The following ITGA11 variants were observed in gnomAD, a reference collection of about 807,000 sequenced individuals.
ITGA11 encodes the protein integrin alpha-11.
Under a neutral mutation model 141.9 loss-of-function variants are expected in ITGA11, and 97 were observed. That is an observed-to-expected ratio of 0.68 (90% CI 0.58 to 0.81). ITGA11 has a LOEUF of 0.81. ITGA11 is among the 30% of genes least tolerant of loss of function. ITGA11 has a pLI of 0.00. For synonymous variants in ITGA11, 658 were observed against 624.6 expected, an observed-to-expected ratio of 1.05 and a Z score of -0.80; for missense variants, 1,387 against 1,559.2, an observed-to-expected ratio of 0.89 and a Z score of 1.86.
intron 2 of ITGA11, among the ~76,000 whole-genome samples, chr15:68,390,420 G>A (rs1033317557): frequency 1.3e-5 from 2 of 152,110 alleles, no homozygotes; most frequent in African/African-American, 2.4e-5. Flanking sequence ...TTTGGGGGCC[G>A]GGGCTGGGGA....
At chr15:68,336,477 G>T (rs998319286) in intron 11 of ITGA11, among the ~76,000 whole-genome samples, 1 of 152,124 alleles carries the variant, frequency 6.6e-6, no homozygotes, top group African/African-American at 2.4e-5. Context: ...CAAAGAGAAA[G>T]AAAAGGAACC....
At chr15:68,373,046 T>C (rs1895636365) in intron 2 of ITGA11, among the ~76,000 whole-genome samples, 1 of 152,168 alleles carries the variant, frequency 6.6e-6, no homozygotes. Flanking sequence ...GAACTCACAT[T>C]TATTTTATTT....
chr15:68,314,854 GT>G (rs1319034817), intron 22 of ITGA11, among the ~76,000 whole-genome samples: 23 of 152,154 alleles, frequency 1.5e-4, no homozygotes, highest in African/African-American at 5.6e-4. Context: ...GCACGTGTGT[GT>G]GCTGGAATGT....
chr15:68,402,279 C>T (rs1896530824), intron 2 of ITGA11, among the ~76,000 whole-genome samples: 1 of 152,082 alleles, frequency 6.6e-6, no homozygotes, highest in South Asian at 2.1e-4. Flanking sequence ...AGAGATCTTA[C>T]TGGGGTGATA....
At position 68,358,149 on chromosome 15, in the gene ITGA11, G is replaced by A. The variant is rs75611642; in HGVS notation, c.600+309C>T. On this transcript the variant is annotated intron_variant, in intron 6 of 29. Transcript: ENST00000315757. ...TCTAATTCTCCCCTGTGCCCCACTC[G>A]ACAGGGCTCTAGATTCCACTCAACC... Among the ~76,000 whole-genome samples the A allele has an allele frequency of 4.4e-3, 669 of 152,138 alleles. 35 individuals carry two copies. The East Asian group carries it at 0.11, about 25-fold the overall frequency.
intron 3 of ITGA11, among the ~76,000 whole-genome samples, chr15:68,367,496 A>C (rs1895460449): frequency 6.6e-6 from 1 of 152,044 alleles, no homozygotes; most frequent in African/African-American, 2.4e-5. Context: ...CTGCTCAGAG[A>C]AGCCTTCCCT....
intron 1 of ITGA11, among the ~76,000 whole-genome samples, chr15:68,413,266 C>T (rs1051969792): frequency 3.3e-5 from 5 of 152,114 alleles, no homozygotes; most frequent in South Asian, 2.1e-4. Context: ...AAGACTAAGG[C>T]CCAGAGCGGG....
chr15:68,318,438 A>C (rs1157714266), intron 20 of ITGA11, among the ~76,000 whole-genome samples: 4 of 152,150 alleles, frequency 2.6e-5, no homozygotes, highest in Non-Finnish European at 5.9e-5. Context: ...AGACAGACAC[A>C]AGTCCCTGGA....
chr15:68,343,188 C>T (rs1002288425), intron 10 of ITGA11, among the ~76,000 whole-genome samples: 2 of 152,096 alleles, frequency 1.3e-5, no homozygotes, highest in Non-Finnish European at 2.9e-5. Flanking sequence ...CCCCAGTGGT[C>T]GGGAGTCGAA....
chr15:68,390,585 G>C (rs1020571182), intron 2 of ITGA11, among the ~76,000 whole-genome samples: 28 of 152,146 alleles, frequency 1.8e-4, no homozygotes, highest in African/African-American at 6.8e-4. Context: ...GCAGACCAAG[G>C]CACGCAAGCT....
chr15:68,385,009 C>T (rs901182736), intron 2 of ITGA11, among the ~76,000 whole-genome samples: 2 of 152,246 alleles, frequency 1.3e-5, no homozygotes, highest in African/African-American at 4.8e-5. Flanking sequence ...TTCTCCAGGG[C>T]ATAGGCCAGT....
chr15:68,345,907 T>A (rs989214577), intron 10 of ITGA11, among the ~76,000 whole-genome samples: 1 of 152,226 alleles, frequency 6.6e-6, no homozygotes, highest in African/African-American at 2.4e-5. Context: ...TAGCCCCCAG[T>A]GCCCGGTCAC....
chr15:68,321,223 A>G lies in ITGA11; in HGVS notation c.2408+195T>C, dbSNP rs546885819. Among the ~76,000 whole-genome samples, 6 of 151,318 alleles carry G rather than the reference A, an allele frequency of 4.0e-5. No homozygotes were observed. In the East Asian group the frequency reaches 1.2e-3, roughly 30 times the overall value. ...TAGATTAGACTAGTAGTTTCATATT[A>G]CAGAAGAGACTTTCCTGAGGTTATG... On this transcript the variant is annotated intron_variant, in intron 19 of 29. Coordinates refer to ENST00000315757, the MANE Select transcript of ITGA11 (RefSeq NM_001004439.2). This position sits in a 1 kb window ranked among gnomAD's most constrained non-coding sequence, Gnocchi z 4.9.
chr15:68,352,119 A>AACAC (rs1555449394), intron 7 of ITGA11, among the ~76,000 whole-genome samples: 5 of 147,724 alleles, frequency 3.4e-5, no homozygotes, highest in African/African-American at 1.3e-4. Flanking sequence ...CAAACAAACA[A>AACAC]ACACCATTGA....
At chr15:68,323,746 C>T (rs1290722290) in intron 18 of ITGA11, among the ~76,000 whole-genome samples, 1 of 152,154 alleles carries the variant, frequency 6.6e-6, no homozygotes, top group Non-Finnish European at 1.5e-5. Context: ...AATAAAAGCC[C>T]ATCCTCCCTG....
intron 1 of ITGA11, among the ~76,000 whole-genome samples, chr15:68,428,483 G>T (rs990613333): frequency 2.6e-5 from 4 of 152,166 alleles, no homozygotes; most frequent in Admixed American, 6.5e-5. Context: ...GTGGGGTAGA[G>T]ATGGGGTCAT....
chr15:68,333,329 A>G lies in ITGA11; in HGVS notation c.1426-851T>C, dbSNP rs1595863999. Among the ~76,000 whole-genome samples the G allele has an allele frequency of 3.3e-5, 5 of 152,096 alleles. No individual in the cohort carries two copies. In the East Asian group the frequency reaches 7.7e-4, roughly 23 times the overall value. ...TTGCCCAGGCTGGTCTGGAACTCCT[A>G]CGCTTCAGTGATCCTCCCACCTCAG... On this transcript the variant is annotated intron_variant, in intron 12 of 29. Coordinates refer to ENST00000315757, the MANE Select transcript of ITGA11 (RefSeq NM_001004439.2). This position sits in a 1 kb window ranked among gnomAD's most constrained non-coding sequence, Gnocchi z 4.2.
intron 7 of ITGA11, among the ~76,000 whole-genome samples, chr15:68,356,132 G>A (rs919063847): frequency 3.3e-5 from 5 of 151,892 alleles, no homozygotes; most frequent in African/African-American, 1.2e-4. Context: ...GTCTTGCTCT[G>A]TTCACCAGGC....
Position 68,384,734 on chromosome 15 carries a change from C to T in ITGA11, c.165-15450G>A, listed in dbSNP as rs537316326. ...CTTTAACCAGAATGAGTCATGATGC[C>T]GGATTTTATTTGTTCCAAGAGAAAA... On this transcript the variant is annotated intron_variant, in intron 2 of 29. Coordinates refer to ENST00000315757, the MANE Select transcript of ITGA11 (RefSeq NM_001004439.2). 4.6e-5 allele frequency among the ~76,000 whole-genome samples: 7 copies of T among 152,270 alleles called. No homozygotes were observed. The East Asian group carries it at 5.8e-4, about 13-fold the overall frequency.
Sources: allele counts gnomAD v4.1 joint callset (sites outside exome capture counted in the v4.1 genomes callset), GRCh38; gene constraint gnomAD v4.1.1; non-coding constraint Gnocchi (gnomAD v3.1); transcripts MANE v1.5; gene names NCBI Gene and HGNC (gene_info 2026-07-23, HGNC 2026-07-21).